Variants in AFF1 observed in about 807,000 individuals in gnomAD.
AFF1 encodes ALF transcription elongation factor 1, also known as AF4/FMR2 family member 1.
AFF1 carries 48 observed loss-of-function variants against 121.7 expected under a neutral mutation model. The ratio of observed to expected loss-of-function variants is 0.39; its 90% confidence interval spans 0.31 to 0.50. The LOEUF (loss-of-function observed/expected upper bound fraction) is 0.50, where lower values mean the gene tolerates loss of function less well. Ranked by LOEUF, AFF1 falls within the 20% of genes least tolerant of loss-of-function variation. The pLI is 0.76. For missense variants in AFF1, 1,523 were observed against 1,511.7 expected, an observed-to-expected ratio of 1.01 and a Z score of -0.12; for synonymous variants, 613 against 563.0, an observed-to-expected ratio of 1.09 and a Z score of -1.26.
At chr4:87,134,038 A>G (rs1729085722) in intron 19 of AFF1, among the ~76,000 whole-genome samples, 1 of 152,250 alleles carries the variant, frequency 6.6e-6, no homozygotes. Context: ...ATGTAAGAAA[A>G]GAGAGATGTT....
At chr4:86,942,638 A>C (rs554050644) in intron 1 of AFF1, among the ~76,000 whole-genome samples, 2 of 152,270 alleles carry the variant, frequency 1.3e-5, no homozygotes, top group East Asian at 3.9e-4. Flanking sequence ...GCTTCCTTTA[A>C]AGCTAGAAGA....
intron 12 of AFF1, among the ~76,000 whole-genome samples, chr4:87,123,604 C>T (rs1470464940): frequency 1.3e-5 from 2 of 152,134 alleles, no homozygotes; most frequent in Admixed American, 6.6e-5. Flanking sequence ...GTGTCTTTTC[C>T]AAAGGAGCCT....
rs1726908945 is a variant in AFF1, at chr4:87,114,738, G to A, written c.1905G>A (p.Gly635=). The change falls in exon 12 of 21, where the codon GGG becomes GGA. Residue 635 remains glycine (G), a synonymous_variant. Coordinates refer to ENST00000395146, the MANE Select transcript of AFF1 (RefSeq NM_001166693.3). ...RTSLQGEREP[G]LLPYGSRDQT... is the part of the protein sequence containing the mutation. Reference sequence around the variant, plus strand: ...GCCTGCAGGGGGAAAGGGAGCCAGGGCTTCTTCCCTATGGCTCCCGAGACC... The same window carrying A: ...GCCTGCAGGGGGAAAGGGAGCCAGGACTTCTTCCCTATGGCTCCCGAGACC... The A allele has an allele frequency of 6.2e-7, 1 of 1,613,952 alleles. No individual in the cohort carries two copies. The highest frequency in any genetic ancestry group is 8.5e-7 in the Non-Finnish European group (1 of 1,179,974).
chr4:87,085,081 A>G (rs954218789), intron 5 of AFF1, among the ~76,000 whole-genome samples: 3 of 152,212 alleles, frequency 2.0e-5, no homozygotes, highest in Admixed American at 1.3e-4. Flanking sequence ...TATTGAAACT[A>G]TGCCATGAAC....
At chr4:86,998,308 G>C (rs778156253) in intron 2 of AFF1, among the ~76,000 whole-genome samples, 3 of 152,066 alleles carry the variant, frequency 2.0e-5, no homozygotes, top group South Asian at 2.1e-4. Flanking sequence ...AGCTAGTCTC[G>C]CTAGAAGAAA....
At chr4:87,117,457 A>G (rs1727240716) in intron 12 of AFF1, among the ~76,000 whole-genome samples, 1 of 152,216 alleles carries the variant, frequency 6.6e-6, no homozygotes, top group African/African-American at 2.4e-5. Flanking sequence ...TTCACCTGGT[A>G]GCCTTTAGCA....
At chr4:86,941,945 T>G (rs1011677874) in intron 1 of AFF1, among the ~76,000 whole-genome samples, 21 of 140,570 alleles carry the variant, frequency 1.5e-4, no homozygotes, top group Admixed American at 1.1e-3. Flanking sequence ...CAATCCTCCG[T>G]TTTTTTTTTT....
chr4:86,962,063 T>C lies in AFF1; in HGVS notation c.38+13492T>C, dbSNP rs1722189659. Among the ~76,000 whole-genome samples, 2 of 151,996 alleles carry C rather than the reference T, an allele frequency of 1.3e-5. 1 individual carries two copies. Among genetic ancestry groups the C allele is most frequent in the East Asian group, 3.8e-4 (2 of 5,196 alleles). ...TTTTTAAAATGTGTTCCTCAATAGC[T>C]GGTAAAGGACAAAGCCAGGGAGTTG... is the stretch of plus-strand genomic sequence containing the variant. On this transcript the variant is annotated intron_variant, in intron 2 of 20. Transcript: ENST00000395146.
intron 2 of AFF1, among the ~76,000 whole-genome samples, chr4:86,951,673 A>AG (rs1364088300): frequency 7.4e-5 from 10 of 134,694 alleles, no homozygotes; most frequent in African/African-American, 3.0e-4. Context: ...ACCAGGCTGA[A>AG]GTGCAGTGGC....
chr4:87,095,275 T>C (rs1003992467), intron 8 of AFF1, among the ~76,000 whole-genome samples: 7 of 152,288 alleles, frequency 4.6e-5, no homozygotes, highest in African/African-American at 1.7e-4. Flanking sequence ...CCCACCACCA[T>C]GCCTGACTAA....
intron 1 of AFF1, among the ~76,000 whole-genome samples, chr4:86,947,871 AGATT>A (rs970740024): frequency 6.6e-5 from 10 of 151,354 alleles, no homozygotes; most frequent in South Asian, 4.2e-4. Context: ...TAAAATCTTA[AGATT>A]GATTGTCACT....
chr4:86,946,778 C>G (rs1409729486), intron 1 of AFF1, among the ~76,000 whole-genome samples: 1 of 151,950 alleles, frequency 6.6e-6, no homozygotes, highest in Non-Finnish European at 1.5e-5. Context: ...AACTCAGGAC[C>G]CCTCTCAGAT....
intron 2 of AFF1, among the ~76,000 whole-genome samples, chr4:86,994,729 T>TA (rs767120484): frequency 2.6e-5 from 4 of 152,094 alleles, no homozygotes; most frequent in Non-Finnish European, 5.9e-5. Context: ...CTGCATTTGT[T>TA]AGAGTTTAGA....
intron 8 of AFF1, among the ~76,000 whole-genome samples, chr4:87,098,557 G>C (rs1039123126): frequency 6.6e-6 from 1 of 152,176 alleles, no homozygotes. Flanking sequence ...GTCAGCCTCT[G>C]AAAGAGGACA....
intron 2 of AFF1, among the ~76,000 whole-genome samples, chr4:86,956,510 CTT>C (rs1335681743): frequency 6.6e-6 from 1 of 152,150 alleles, no homozygotes; most frequent in Non-Finnish European, 1.5e-5. Context: ...TTTTTAGTAA[CTT>C]TACTGAGTTG....
At position 87,013,032 on chromosome 4, in the gene AFF1, C is replaced by CTTTTTTTTTT. The variant is rs61071328; in HGVS notation, c.39-33117_39-33108dup. Among the ~76,000 whole-genome samples the CTTTTTTTTTT allele has an allele frequency of 2.7e-3, 254 of 93,448 alleles. 32 individuals carry two copies. Among genetic ancestry groups the CTTTTTTTTTT allele is most frequent in the African/African-American group, 8.5e-3 (197 of 23,224 alleles). The allele number at this position is 93,448 out of a possible 152,430, so 61.3% of individuals were successfully genotyped here. A position where few individuals can be genotyped will look rare whatever the true frequency, so the allele number is the denominator to read the frequency against. On this transcript the variant is annotated intron_variant, in intron 2 of 20. Transcript: ENST00000395146. ...AACCAGATTGAACTGCTATCAAGTT[C>CTTTTTTTTTT]TTTTTTTTTTTTTTTTTTTTTTTTT...
rs369249888 is a variant in AFF1, at chr4:87,063,160, G to A, written c.1059+15566G>A. Among the ~76,000 whole-genome samples the A allele has an allele frequency of 9.1e-5, 13 of 143,638 alleles. No individual in the cohort carries two copies. The South Asian group carries it at 2.5e-3, about 28-fold the overall frequency. The allele number at this position is 143,638 out of a possible 152,430, so 94.2% of individuals were successfully genotyped here. ...ATATAGTAAGTATGTAATAGCTGCT[G>A]TATCTACATCATAATTATAGCAGTT... is the stretch of plus-strand genomic sequence containing the variant. On this transcript the variant is annotated intron_variant, in intron 4 of 20. Coordinates refer to ENST00000395146, the MANE Select transcript of AFF1 (RefSeq NM_001166693.3).
intron 2 of AFF1, chr4:87,007,486 G>T (rs757014382): frequency 1.2e-6 from 2 of 1,608,952 alleles, no homozygotes; most frequent in Non-Finnish European, 1.7e-6. Context: ...TGAAGGTTGC[G>T]GGGGAGGGCA....
At chr4:87,066,576 G>A (rs1294548957) in intron 4 of AFF1, among the ~76,000 whole-genome samples, 2 of 151,984 alleles carry the variant, frequency 1.3e-5, no homozygotes, top group Non-Finnish European at 2.9e-5. Flanking sequence ...GCAACACAGT[G>A]AGACCCTGTC....
Sources: allele counts gnomAD v4.1 joint callset (sites outside exome capture counted in the v4.1 genomes callset), GRCh38; gene constraint gnomAD v4.1.1; transcripts MANE v1.5; gene names NCBI Gene and HGNC (gene_info 2026-07-23, HGNC 2026-07-21).